Variants in CMYA5 observed in about 807,000 individuals in gnomAD.
The protein encoded by CMYA5 is cardiomyopathy associated 5, also known as cardiomyopathy-associated protein 5.
CMYA5 carries 246 observed loss-of-function variants against 318.9 expected under a neutral mutation model. That is an observed-to-expected ratio of 0.77 (90% CI 0.70 to 0.86). The LOEUF (loss-of-function observed/expected upper bound fraction) is 0.86, where lower values mean the gene tolerates loss of function less well. CMYA5 is among the 40% of genes least tolerant of loss of function. The probability of loss-of-function intolerance (pLI) is 0.00; values close to 1 mark genes in which losing one functional copy is unlikely to be tolerated. For synonymous variants in CMYA5, 1,641 were observed against 1,729.5 expected, an observed-to-expected ratio of 0.95 and a Z score of 1.27; for missense variants, 4,589 against 4,678.2, an observed-to-expected ratio of 0.98 and a Z score of 0.56.
At chr5:79,703,080 C>T (rs16877062) in intron 1 of CMYA5, among the ~76,000 whole-genome samples, 12,253 of 152,258 alleles carry the variant, frequency 0.08, 573 homozygotes, top group East Asian at 0.16. Flanking sequence ...ATTTGCTCAA[C>T]TGTCTTTTTG....
chr5:79,767,003 G>A (rs1432301916), intron 9 of CMYA5, among the ~76,000 whole-genome samples: 1 of 152,160 alleles, frequency 6.6e-6, no homozygotes, highest in East Asian at 1.9e-4. Context: ...GGTCTATTCA[G>A]GGATTCGACT....
intron 1 of CMYA5, among the ~76,000 whole-genome samples, chr5:79,719,308 T>C (rs142170329): frequency 2.0e-3 from 310 of 152,296 alleles, no homozygotes; most frequent in African/African-American, 7.0e-3. Flanking sequence ...TTTCCACTCA[T>C]GATTCTAATA....
rs1309380460 is a variant in CMYA5, at chr5:79,734,743, C to A, written c.5978C>A (p.Ser1993Tyr). The change falls in exon 2 of 13, where the codon TCT (serine) becomes TAT (tyrosine). Residue 1993 changes from serine (S) to tyrosine (Y), a missense_variant. Around this residue, in one of 3 missense-constraint regions of CMYA5, gnomAD observed 2,431 missense variants for 2,495.1 expected, o/e 0.97. Transcript: ENST00000446378. ...GTAAAGCTGGCTGAAGAACCAAAGT[C>A]TTTAGTCCTAGCTGGAAATGTAGAG... is the stretch of plus-strand genomic sequence containing the variant. ...EEVKLAEEPK[S>Y]LVLAGNVERN... 6.2e-7 allele frequency: 1 copy of A among 1,613,674 alleles called. No homozygotes were observed. The highest frequency in any genetic ancestry group is 1.3e-5 in the African/African-American group (1 of 74,898).
At chr5:79,795,213 G>A (rs1014882907) in intron 12 of CMYA5, among the ~76,000 whole-genome samples, 37 of 152,136 alleles carry the variant, frequency 2.4e-4, no homozygotes, top group African/African-American at 8.2e-4. Context: ...TGTGGTCTCA[G>A]CACTGACAGG....
At position 79,799,723 on chromosome 5, in the gene CMYA5, C is replaced by T. The variant is rs1829340087; in HGVS notation, c.*107C>T. The T allele has an allele frequency of 7.1e-7, 1 of 1,401,744 alleles. No individual in the cohort carries two copies. The highest frequency in any genetic ancestry group is 1.4e-5 in the African/African-American group (1 of 69,130). The allele number at this position is 1,401,744 out of a possible 1,614,324, so 86.8% of individuals were successfully genotyped here. The stretch of plus-strand genomic sequence containing the variant: ...ATTCAAAAAGTCTCCCGCGCATTTG[C>T]ACTAATGATGGCTGCATGCATAGCA... On this transcript the variant is annotated 3_prime_UTR_variant, in exon 13 of 13. Coordinates refer to ENST00000446378, the MANE Select transcript of CMYA5 (RefSeq NM_153610.5).
Position 79,752,659 on chromosome 5 carries a change from G to C in CMYA5, c.10992-17G>C, listed in dbSNP as rs371400092. On this transcript the variant is annotated splice_polypyrimidine_tract_variant and intron_variant, in intron 5 of 12. Transcript: ENST00000446378. ...TTAATAATTTTTTAACTTATGTAGA[G>C]CTCTATTCCCCGATAGGTTGCTTTC... 6.4e-7 allele frequency: 1 copy of C among 1,552,572 alleles called. No homozygotes were observed. Among genetic ancestry groups the C allele is most frequent in the Admixed American group, 1.7e-5 (1 of 58,230 alleles).
intron 8 of CMYA5, chr5:79,762,197 C>A: frequency 2.3e-6 from 1 of 425,812 alleles, no homozygotes; most frequent in Non-Finnish European, 4.1e-6. Flanking sequence ...TCCAGATATA[C>A]ACAGGTTATT....
intron 5 of CMYA5, 44 bp from the exon 6 acceptor site, chr5:79,752,632 T>C: frequency 1.4e-6 from 2 of 1,394,874 alleles, no homozygotes; most frequent in Non-Finnish European, 2.0e-6. Context: ...TCATTCTGTA[T>C]GTTAATAATT....
chr5:79,764,783 A>G lies in CMYA5; in HGVS notation c.11555+1574A>G, dbSNP rs997568216. Among the ~76,000 whole-genome samples, 4 of 152,202 alleles carry G rather than the reference A, an allele frequency of 2.6e-5. No homozygotes were observed. In the East Asian group the frequency reaches 5.8e-4, roughly 22 times the overall value. ...TTTTCATATGTTTGTTGGCAGCATA[A>G]ATGTCTTCTTTTGAGAAGTATCTGT... On this transcript the variant is annotated intron_variant, in intron 9 of 12. Transcript: ENST00000446378.
chr5:79,743,959 G>C, intron 3 of CMYA5, 37 bp downstream of exon 3: 3 of 1,050,596 alleles, frequency 2.9e-6, no homozygotes, highest in Non-Finnish European at 4.2e-6. Context: ...AACCTGGCTT[G>C]TTCACAGTAT....
At chr5:79,745,488 T>G in intron 4 of CMYA5, 33 bp downstream of exon 4, 1 of 1,406,178 alleles carries the variant, frequency 7.1e-7, no homozygotes, top group South Asian at 1.2e-5. Flanking sequence ...TCAAACACCT[T>G]GCGCCCACTC....
rs1290773182 is a variant in CMYA5 at position 79,715,067 on chromosome 5, T to G, written c.150-13848T>G. Among the ~76,000 whole-genome samples, 4 of 152,300 alleles carry G rather than the reference T, an allele frequency of 2.6e-5. No homozygotes were observed. The South Asian group carries it at 8.3e-4, about 32-fold the overall frequency. Reference sequence around the variant, plus strand: ...ATTAATTTTTTATAACAAGAATGTTTTTATTTACTTTTGTAATTAAAATGA... The same window carrying G: ...ATTAATTTTTTATAACAAGAATGTTGTTATTTACTTTTGTAATTAAAATGA... On this transcript the variant is annotated intron_variant, in intron 1 of 12. Coordinates refer to ENST00000446378, the MANE Select transcript of CMYA5 (RefSeq NM_153610.5).
chr5:79,696,765 G>A lies in CMYA5; in HGVS notation c.149+6709G>A, dbSNP rs182113870. On this transcript the variant is annotated intron_variant, in intron 1 of 12. Coordinates refer to ENST00000446378, the MANE Select transcript of CMYA5 (RefSeq NM_153610.5). ...TCATGCCTATAATCCCAGCACTTAGGGAGGCCGAGACGGGCAGGTCACCTG... is the reference window on the plus strand; with the variant it reads ...TCATGCCTATAATCCCAGCACTTAGAGAGGCCGAGACGGGCAGGTCACCTG... 9.0e-4 allele frequency among the ~76,000 whole-genome samples: 137 copies of A among 152,274 alleles called. 1 individual carries two copies. The highest frequency in any genetic ancestry group is 3.0e-3 in the African/African-American group (126 of 41,558).
At chr5:79,758,183 T>C (rs903890060) in intron 6 of CMYA5, among the ~76,000 whole-genome samples, 4 of 150,978 alleles carry the variant, frequency 2.6e-5, no homozygotes, top group African/African-American at 7.3e-5. Context: ...TCAGCCAAGA[T>C]TGCGCCACTG....
chr5:79,758,973 C>T (rs745868930), intron 7 of CMYA5, 71 bp downstream of exon 7: 19 of 1,264,272 alleles, frequency 1.5e-5, no homozygotes, highest in Non-Finnish European at 2.0e-5. Flanking sequence ...TTTAAATATA[C>T]ACCTGTATTA....
At position 79,735,381 on chromosome 5, in the gene CMYA5, C is replaced by T. The variant is rs1266536279; in HGVS notation, c.6616C>T (p.Pro2206Ser). 1.9e-6 allele frequency: 3 copies of T among 1,613,828 alleles called. No homozygotes were observed. The South Asian group carries it at 3.3e-5, about 18-fold the overall frequency. ...VAEQEDLETQ[P>S]SPSVEKAVTV... The stretch of plus-strand genomic sequence containing the variant: ...TGAACAAGAAGACTTAGAAACACAG[C>T]CAAGTCCATCCGTAGAAAAAGCAGT... Residue 2206 changes from proline to serine, a missense_variant, in exon 2 of 13, where the codon CCA (proline) becomes TCA (serine). Coordinates refer to ENST00000446378, the MANE Select transcript of CMYA5 (RefSeq NM_153610.5).
At chr5:79,726,692 G>A (rs1054399523) in intron 1 of CMYA5, among the ~76,000 whole-genome samples, 3 of 152,230 alleles carry the variant, frequency 2.0e-5, no homozygotes, top group Non-Finnish European at 2.9e-5. Context: ...CCCCATGGCT[G>A]TGCTGAGAAC....
intron 1 of CMYA5, among the ~76,000 whole-genome samples, chr5:79,726,909 A>ATTTTTTTTTTTTTTTTTGTTTTT (rs1827759021): frequency 1.0e-5 from 1 of 96,040 alleles, no homozygotes; most frequent in African/African-American, 5.2e-5. Context: ...TAGGCCAGTG[A>ATTTTTTTTTTTTTTTTTGTTTTT]TTTTTTTTTT....
At position 79,733,790 on chromosome 5, in the gene CMYA5, G is replaced by A. The variant is rs1326371800; in HGVS notation, c.5025G>A (p.Glu1675=). Reference sequence around the variant, plus strand: ...CTGTTTTAGAAAAAGGCCCAGCTGAGCTTAGGAGCAGAGAAGGAAAAGAAG... The same window carrying A: ...CTGTTTTAGAAAAAGGCCCAGCTGAACTTAGGAGCAGAGAAGGAAAAGAAG... ...EDSVLEKGPA[E]LRSREGKEEN... The change falls in exon 2 of 13, where the codon GAG becomes GAA. Residue 1675 remains glutamate, a synonymous_variant. Coordinates refer to ENST00000446378, the MANE Select transcript of CMYA5 (RefSeq NM_153610.5). 2 of 1,613,534 alleles carry A rather than the reference G, an allele frequency of 1.2e-6. No individual in the cohort carries two copies. The highest frequency in any genetic ancestry group is 1.7e-5 in the Admixed American group (1 of 59,918).
Sources: allele counts gnomAD v4.1 joint callset (sites outside exome capture counted in the v4.1 genomes callset), GRCh38; gene constraint gnomAD v4.1.1; regional missense constraint gnomAD v4.1.1; transcripts MANE v1.5; gene names NCBI Gene and HGNC (gene_info 2026-07-23, HGNC 2026-07-21).